Variants in CFAP20DC observed in about 807,000 individuals in gnomAD.
CFAP20DC encodes the protein protein CFAP20DC.
Under a neutral mutation model 101.7 loss-of-function variants are expected in CFAP20DC, and 84 were observed. That is an observed-to-expected ratio of 0.83 (90% CI 0.69 to 0.99). The LOEUF (loss-of-function observed/expected upper bound fraction) is 0.99, where lower values mean the gene tolerates loss of function less well. CFAP20DC is among the 50% of genes least tolerant of loss of function. The pLI is 0.00. For missense variants in CFAP20DC, 1,007 were observed against 970.3 expected, an observed-to-expected ratio of 1.04 and a Z score of -0.50; for synonymous variants, 359 against 351.2, an observed-to-expected ratio of 1.02 and a Z score of -0.25.
chr3:58,807,057 G>C (rs1019325331), intron 14 of CFAP20DC, among the ~76,000 whole-genome samples: 1 of 152,150 alleles, frequency 6.6e-6, no homozygotes, highest in Non-Finnish European at 1.5e-5. Context: ...GGTAAACAAA[G>C]CAGCCAGGAA....
intron 14 of CFAP20DC, among the ~76,000 whole-genome samples, chr3:58,821,126 CT>C (rs2075608570): frequency 6.6e-6 from 1 of 151,754 alleles, no homozygotes; most frequent in Admixed American, 6.6e-5. Context: ...TTCCTTACAC[CT>C]TATATAAAAA....
At chr3:58,961,618 T>G (rs1411295815) in intron 4 of CFAP20DC, among the ~76,000 whole-genome samples, 1 of 152,114 alleles carries the variant, frequency 6.6e-6, no homozygotes, top group Non-Finnish European at 1.5e-5. Context: ...ATTTGACATT[T>G]GATATATTTC....
chr3:58,891,074 G>A (rs1290783358), intron 6 of CFAP20DC, among the ~76,000 whole-genome samples: 2 of 149,434 alleles, frequency 1.3e-5, no homozygotes, highest in African/African-American at 2.5e-5. Context: ...CAAGGCAGGC[G>A]GCTGGGAGGT....
intron 5 of CFAP20DC, among the ~76,000 whole-genome samples, chr3:58,934,036 A>T (rs560613633): frequency 1.3e-5 from 2 of 152,332 alleles, no homozygotes; most frequent in East Asian, 3.9e-4. Flanking sequence ...AAGACTAATA[A>T]AGAAGAAAAC....
At chr3:59,030,227 A>T (rs2093964212) in intron 4 of CFAP20DC, among the ~76,000 whole-genome samples, 1 of 152,264 alleles carries the variant, frequency 6.6e-6, no homozygotes, top group South Asian at 2.1e-4. Context: ...ATGCTGCCAG[A>T]AACATAGTAA....
chr3:58,936,934 T>C (rs769767446), intron 5 of CFAP20DC, among the ~76,000 whole-genome samples: 11 of 143,660 alleles, frequency 7.7e-5, no homozygotes, highest in Non-Finnish European at 1.7e-4. Context: ...AATAACAAAA[T>C]TAAAAAAAAA....
intron 7 of CFAP20DC, among the ~76,000 whole-genome samples, chr3:58,875,239 T>C (rs927201028): frequency 6.7e-6 from 1 of 150,184 alleles, no homozygotes; most frequent in African/African-American, 2.5e-5. Flanking sequence ...TGTGTGCATA[T>C]GTATTTTTTT....
In CFAP20DC at chr3:58,899,520, T is replaced by C. The variant is rs1257539286; in HGVS notation, c.550+14188A>G. 1.3e-5 allele frequency among the ~76,000 whole-genome samples: 2 copies of C among 151,930 alleles called. No homozygotes were observed. Among genetic ancestry groups the C allele is most frequent in the East Asian group, 3.9e-4 (2 of 5,154 alleles). ...CTTGCTGAGAATCCTGGGGGTGGAG[T>C]ATGCAAAACTCCTGGGTCTCTGTGT... On this transcript the variant is annotated intron_variant, in intron 6 of 16. Coordinates refer to ENST00000482387, the MANE Select transcript of CFAP20DC (RefSeq NM_001394063.1). The surrounding 1 kb of genome is among the most constrained non-coding windows in gnomAD (Gnocchi z 5.0).
chr3:58,937,419 C>T (rs1468375913), intron 5 of CFAP20DC, among the ~76,000 whole-genome samples: 2 of 152,180 alleles, frequency 1.3e-5, no homozygotes, highest in Non-Finnish European at 1.5e-5. Flanking sequence ...CTTTCTCTCT[C>T]CACTGTGCTT....
chr3:58,951,306 G>C lies in CFAP20DC; in HGVS notation c.279-13544C>G, dbSNP rs534167441. 1.4e-3 allele frequency among the ~76,000 whole-genome samples: 218 copies of C among 152,292 alleles called. 1 individual carries two copies. The highest frequency in any genetic ancestry group is 3.5e-3 in the Admixed American group (53 of 15,296). ...AAATAGGAACACTTTTACACTGTTG[G>C]TGGGACTGTAAACTAGTTCAACCAT... On this transcript the variant is annotated intron_variant, in intron 4 of 16. Coordinates refer to ENST00000482387, the MANE Select transcript of CFAP20DC (RefSeq NM_001394063.1).
At chr3:58,806,326 C>G (rs996219175) in intron 15 of CFAP20DC, 69 bp downstream of exon 15, 9 of 1,099,852 alleles carry the variant, frequency 8.2e-6, no homozygotes, top group Admixed American at 1.9e-5. Context: ...TTCAGAAAAC[C>G]AAGAAAAATG....
At chr3:58,726,962 C>A in intron 3 of CFAP20DC, 2 of 207,970 alleles carry the variant, frequency 9.6e-6, no homozygotes, top group Non-Finnish European at 1.9e-5. Context: ...GAGATGAGAG[C>A]GACCCATCCC....
At position 58,899,976 on chromosome 3, in the gene CFAP20DC, A is replaced by C. The variant is rs779649578; in HGVS notation, c.550+13732T>G. Among the ~76,000 whole-genome samples the C allele has an allele frequency of 9.2e-5, 14 of 152,300 alleles. No individual in the cohort carries two copies. Among genetic ancestry groups the C allele is most frequent in the Non-Finnish European group, 1.3e-4 (9 of 68,020 alleles). On this transcript the variant is annotated intron_variant, in intron 6 of 16. Coordinates refer to ENST00000482387, the MANE Select transcript of CFAP20DC (RefSeq NM_001394063.1). The surrounding 1 kb of genome is among the most constrained non-coding windows in gnomAD (Gnocchi z 5.0). ...AATTAAAATTTTGCTAAGTACTCTGAGGGAAAAGTTCAAGGTGAAGAAACA... is the reference window on the plus strand; with the variant it reads ...AATTAAAATTTTGCTAAGTACTCTGCGGGAAAAGTTCAAGGTGAAGAAACA...
At chr3:58,827,661 A>G (rs576717118) in intron 14 of CFAP20DC, among the ~76,000 whole-genome samples, 1 of 152,256 alleles carries the variant, frequency 6.6e-6, no homozygotes, top group African/African-American at 2.4e-5. Flanking sequence ...CTGTGAAAGC[A>G]TCCCTGAAAC....
At chr3:58,935,416 A>T (rs1289097037) in intron 5 of CFAP20DC, among the ~76,000 whole-genome samples, 1 of 152,040 alleles carries the variant, frequency 6.6e-6, no homozygotes, top group East Asian at 1.9e-4. Context: ...AGAATTGGAA[A>T]AAACTACTTT....
chr3:58,936,157 A>G (rs963763586), intron 5 of CFAP20DC, among the ~76,000 whole-genome samples: 2 of 152,124 alleles, frequency 1.3e-5, no homozygotes, highest in African/African-American at 4.8e-5. Context: ...TATGCAGCCA[A>G]AACACACATG....
intron 5 of CFAP20DC, among the ~76,000 whole-genome samples, chr3:58,928,901 CT>C (rs2086274686): frequency 6.6e-6 from 1 of 152,168 alleles, no homozygotes; most frequent in Non-Finnish European, 1.5e-5. Flanking sequence ...CCATATTTAT[CT>C]TTCTTGCCTA....
chr3:58,808,926 C>A (rs368219814), intron 14 of CFAP20DC, among the ~76,000 whole-genome samples: 1 of 151,848 alleles, frequency 6.6e-6, no homozygotes, highest in Non-Finnish European at 1.5e-5. Flanking sequence ...TAGTCTCTGA[C>A]AAAACAGACT....
chr3:58,941,228 G>A (rs1302891056), intron 4 of CFAP20DC, among the ~76,000 whole-genome samples: 1 of 150,060 alleles, frequency 6.7e-6, no homozygotes, highest in Non-Finnish European at 1.5e-5. Context: ...ACTCAGGAGG[G>A]TGAGGCAGGA....
Sources: allele counts gnomAD v4.1 joint callset (sites outside exome capture counted in the v4.1 genomes callset), GRCh38; gene constraint gnomAD v4.1.1; non-coding constraint Gnocchi (gnomAD v3.1); transcripts MANE v1.5; gene names NCBI Gene and HGNC (gene_info 2026-07-23, HGNC 2026-07-21).